The following PSD4 variants were observed in gnomAD, a reference collection of about 807,000 sequenced individuals.
PSD4 encodes the protein pleckstrin and Sec7 domain containing 4.
A neutral mutation model predicts 112.5 loss-of-function variants in PSD4; 59 were observed. The observed-to-expected ratio is 0.52, with a 90% CI of 0.43 to 0.65. The LOEUF is 0.65. Among genes scored for constraint, PSD4 ranks in the 30% least tolerant of loss-of-function variants. The probability of loss-of-function intolerance (pLI) is 0.00; values close to 1 mark genes in which losing one functional copy is unlikely to be tolerated. For missense variants in PSD4, 1,267 were observed against 1,352.6 expected (o/e 0.94, Z 0.99); for synonymous variants, 533 against 540.0 (o/e 0.99, Z 0.18).
chr2:113,199,235 C>A lies in PSD4; in HGVS notation c.2913+9C>A, dbSNP rs749393092. On this transcript the variant is annotated intron_variant, in intron 16 of 16. Coordinates refer to ENST00000245796, the MANE Select transcript of PSD4 (RefSeq NM_012455.3). The stretch of plus-strand genomic sequence containing the variant: ...AGTACCTGGAGTACGAGGTGAGCGG[C>A]CGAGCCCACCTCCCCGCCGCTGCGC... 5 of 1,470,668 alleles carry A rather than the reference C, an allele frequency of 3.4e-6. No individual in the cohort carries two copies. The African/African-American group carries it at 5.9e-5, about 17-fold the overall frequency. 91.1% of individuals were successfully genotyped at this position (1,470,668 alleles called of 1,614,324 possible).
At chr2:113,197,310 A>G in intron 12 of PSD4, 2 of 549,356 alleles carry the variant, frequency 3.6e-6, no homozygotes, top group South Asian at 2.0e-5. Flanking sequence ...ATATGTATGA[A>G]TATCTATATT....
Position 113,182,843 on chromosome 2 carries a change from A to T in PSD4, c.387A>T (p.Thr129=), listed in dbSNP as rs758884902. The part of the protein sequence containing the change: ...PSAQREHRQN[T]ASPGSPVNSH... ...CCCAGAGGGAGCACAGGCAGAACAC[A>T]GCATCACCAGGGTCACCAGTGAACA... Residue 129 remains threonine, a synonymous_variant, in exon 2 of 17, where the codon ACA becomes ACT. Coordinates refer to ENST00000245796, the MANE Select transcript of PSD4 (RefSeq NM_012455.3). 6.2e-7 allele frequency: 1 copy of T among 1,613,842 alleles called. No individual in the cohort carries two copies. Among genetic ancestry groups the T allele is most frequent in the Admixed American group, 1.7e-5 (1 of 60,004 alleles).
chr2:113,183,524 C>T lies in PSD4; in HGVS notation c.1056+12C>T. ...ACGGGGAGAGTGAGGTAAGCCCAGT[C>T]TTGGGAACCAACCGGGGCTGTGCTG... On this transcript the variant is annotated intron_variant, in intron 2 of 16. Transcript: ENST00000245796. The T allele has an allele frequency of 1.3e-6, 2 of 1,543,830 alleles. No homozygotes were observed. Among genetic ancestry groups the T allele is most frequent in the South Asian group, 1.3e-5 (1 of 78,902 alleles).
rs772145668 is a variant in PSD4 at position 113,197,803 on chromosome 2, G to A, written c.2514G>A (p.Glu838=). The part of the protein sequence containing the change: ...GESLVGQMVD[E]PVGVHHSLAT... The stretch of plus-strand genomic sequence containing the variant: ...GCTTGGTGGGGCAGATGGTGGATGA[G>A]CCCGTGGGGGTGCACCACTCGCTGG... The change falls in exon 14 of 17, where the codon GAG becomes GAA. Residue 838 remains glutamate (E), a synonymous_variant. Transcript: ENST00000245796. 5 of 1,611,586 alleles carry A rather than the reference G, an allele frequency of 3.1e-6. No individual in the cohort carries two copies. Among genetic ancestry groups the A allele is most frequent in the African/African-American group, 1.3e-5 (1 of 74,982 alleles).
Position 113,197,858 on chromosome 2 carries a change from C to G in PSD4, c.2569C>G (p.Pro857Ala). ...ATPATHYTKK[P>A]HVFQLRTADW... The stretch of plus-strand genomic sequence containing the variant: ...CCCCGCCACGCATTACACCAAGAAG[C>G]CGCACGTCTTCCAGCTGCGCACGGC... The change falls in exon 14 of 17, where the codon CCG becomes GCG. Residue 857 changes from proline (P) to alanine (A), a missense_variant. Physicochemically the swap from Pro to Ala is conservative, Grantham distance 27. Around this residue, in one of 2 missense-constraint regions of PSD4, gnomAD observed 544 missense variants for 648.6 expected, o/e 0.84. Transcript: ENST00000245796. 1.2e-6 allele frequency: 2 copies of G among 1,608,584 alleles called. No homozygotes were observed. The highest frequency in any genetic ancestry group is 1.7e-6 in the Non-Finnish European group (2 of 1,176,380).
intron 3 of PSD4, 24 bp from the exon 4 acceptor site, chr2:113,185,341 G>A (rs765611954): frequency 1.7e-5 from 27 of 1,613,896 alleles, no homozygotes; most frequent in Non-Finnish European, 2.3e-5. Flanking sequence ...GGGCTCATGG[G>A]AATGCCTTTG....
In PSD4 at chr2:113,185,934, C is replaced by T. The variant is rs764891076; in HGVS notation, c.1307C>T (p.Pro436Leu). 2.5e-6 allele frequency: 4 copies of T among 1,613,898 alleles called. No homozygotes were observed. The highest frequency in any genetic ancestry group is 3.4e-6 in the Non-Finnish European group (4 of 1,179,846). Reference protein sequence around the residue: ...ESLPCTLAPCPWRSPASSPEP... With the variant: ...ESLPCTLAPCLWRSPASSPEP... ...CTTCCCTGCACCTTGGCCCCCTGCC[C>T]CTGGAGGAGCCCAGCTTCTTCTCCA... Residue 436 changes from proline (P) to leucine (L), a missense_variant, in exon 5 of 17, where the codon CCC becomes CTC. Around this residue, in one of 2 missense-constraint regions of PSD4, gnomAD observed 723 missense variants for 704.0 expected, o/e 1.03. Transcript: ENST00000245796.
At chr2:113,200,395 C>T (rs915256218) in intron 16 of PSD4, among the ~76,000 whole-genome samples, 1 of 152,256 alleles carries the variant, frequency 6.6e-6, no homozygotes. Context: ...GAGTCAACAT[C>T]GCCTCCTGCC....
intron 10 of PSD4, 149 bp from the exon 11 acceptor site, chr2:113,195,578 T>C: frequency 1.5e-6 from 1 of 654,616 alleles, no homozygotes. Flanking sequence ...GATGGATGGA[T>C]GCTTGCTTAC....
chr2:113,193,040 C>G lies in PSD4; in HGVS notation c.1839-8C>G. On this transcript the variant is annotated splice_polypyrimidine_tract_variant and splice_region_variant and intron_variant, in intron 6 of 16. Coordinates refer to ENST00000245796, the MANE Select transcript of PSD4 (RefSeq NM_012455.3). ...GGTGCAGACTCCATGCCCCTTTTCC[C>G]TCTGCAGCAATGACTTTAGCAGGGC... 1.2e-6 allele frequency: 2 copies of G among 1,613,418 alleles called. No homozygotes were observed. The highest frequency in any genetic ancestry group is 2.7e-5 in the African/African-American group (2 of 75,056).
Position 113,182,995 on chromosome 2 carries a change from T to C in PSD4, c.539T>C (p.Leu180Pro). ...LEEELEKTEG[L>P]KAGLKCCLPT... Reference sequence around the variant, plus strand: ...GAGGAGCTGGAGAAGACGGAAGGGCTCAAGGCTGGGCTGAAATGCTGTCTC... The same window carrying C: ...GAGGAGCTGGAGAAGACGGAAGGGCCCAAGGCTGGGCTGAAATGCTGTCTC... The change falls in exon 2 of 17, where the codon CTC becomes CCC. Residue 180 changes from leucine (L) to proline (P), a missense_variant. Leu to Pro is a moderately conservative substitution (Grantham distance 98). Coordinates refer to ENST00000245796, the MANE Select transcript of PSD4 (RefSeq NM_012455.3). The C allele has an allele frequency of 6.2e-7, 1 of 1,614,030 alleles. No individual in the cohort carries two copies. Among genetic ancestry groups the C allele is most frequent in the Non-Finnish European group, 8.5e-7 (1 of 1,179,978 alleles).
intron 5 of PSD4, among the ~76,000 whole-genome samples, chr2:113,189,525 G>C (rs1688395218): frequency 6.6e-6 from 1 of 152,150 alleles, no homozygotes; most frequent in Non-Finnish European, 1.5e-5. Flanking sequence ...CCTCTGGGTA[G>C]ATACCCAGTA....
intron 1 of PSD4, among the ~76,000 whole-genome samples, chr2:113,181,170 G>A (rs1688125380): frequency 6.6e-6 from 1 of 151,204 alleles, no homozygotes; most frequent in Admixed American, 6.6e-5. Context: ...AGAGGTTGCA[G>A]TGAGCCAAGA....
intron 1 of PSD4, among the ~76,000 whole-genome samples, chr2:113,179,958 G>A (rs992533319): frequency 4.6e-5 from 7 of 152,186 alleles, no homozygotes; most frequent in Non-Finnish European, 8.8e-5. Context: ...GAATGCAAGG[G>A]TTGGGTCAGA....
At position 113,182,615 on chromosome 2, in the gene PSD4, T is replaced by C; in HGVS notation, c.159T>C (p.Thr53=). Residue 53 remains threonine, a synonymous_variant, in exon 2 of 17, where the codon ACT becomes ACC. Transcript: ENST00000245796. ...PEPFEEQTWA[T]DPPEPTRQNV... ...CTTTCGAGGAGCAAACCTGGGCCACTGACCCTCCTGAACCTACCAGACAAA... is the reference window on the plus strand; with the variant it reads ...CTTTCGAGGAGCAAACCTGGGCCACCGACCCTCCTGAACCTACCAGACAAA... 1 of 1,613,954 alleles carries C rather than the reference T, an allele frequency of 6.2e-7. No individual in the cohort carries two copies. The highest frequency in any genetic ancestry group is 8.5e-7 in the Non-Finnish European group (1 of 1,179,926).
At position 113,177,829 on chromosome 2, in the gene PSD4, G is replaced by A. The variant is rs1231267062; in HGVS notation, c.-112+3775G>A. Among the ~76,000 whole-genome samples the A allele has an allele frequency of 2.6e-5, 4 of 152,154 alleles. No homozygotes were observed. The South Asian group carries it at 6.2e-4, about 24-fold the overall frequency. ...TACCTTCTAGGCAAACTAGAACCAC[G>A]CGGGTAAACACACTGGCAACTACAC... On this transcript the variant is annotated intron_variant, in intron 1 of 16. Transcript: ENST00000245796.
At chr2:113,191,802 C>T (rs1344976050) in intron 5 of PSD4, among the ~76,000 whole-genome samples, 1 of 151,982 alleles carries the variant, frequency 6.6e-6, no homozygotes, top group East Asian at 1.9e-4. Flanking sequence ...CACACTAGGT[C>T]ATAGGTCACC....
chr2:113,175,674 G>T (rs906266942), intron 1 of PSD4, among the ~76,000 whole-genome samples: 3 of 152,200 alleles, frequency 2.0e-5, no homozygotes, highest in Non-Finnish European at 4.4e-5. Context: ...GCGTTTGCTT[G>T]CTGAGTCTGG....
intron 5 of PSD4, among the ~76,000 whole-genome samples, chr2:113,191,689 G>A (rs951861657): frequency 1.3e-5 from 2 of 152,206 alleles, no homozygotes; most frequent in African/African-American, 4.8e-5. Flanking sequence ...TAATGTTGTC[G>A]GGGAAGCAGA....
Sources: gnomAD v4.1 joint callset for allele counts (sites outside exome capture counted in the v4.1 genomes callset) on GRCh38, gnomAD v4.1.1 for gene constraint, gnomAD v4.1.1 regional missense constraint, MANE v1.5 for transcripts, NCBI Gene and HGNC (gene_info 2026-07-23, HGNC 2026-07-21) for gene names.